Variants in MGAT4C observed in about 807,000 individuals in gnomAD.
MGAT4C encodes MGAT4 family member C, also known as alpha-1,3-mannosyl-glycoprotein 4-beta-N-acetylglucosaminyltransferase C.
Under a neutral mutation model 40.1 loss-of-function variants are expected in MGAT4C, and 19 were observed. The ratio of observed to expected loss-of-function variants is 0.47; its 90% CI spans 0.33 to 0.70. The LOEUF (loss-of-function observed/expected upper bound fraction) is 0.70. Ranked by LOEUF, MGAT4C falls within the 30% of genes least tolerant of loss-of-function variation. The probability of loss-of-function intolerance (pLI) is 0.02; values close to 1 mark genes in which losing one functional copy is unlikely to be tolerated. For synonymous variants in MGAT4C, 181 were observed against 187.1 expected, an observed-to-expected ratio of 0.97 and a Z score of 0.27; for missense variants, 491 against 563.2, an observed-to-expected ratio of 0.87 and a Z score of 1.30.
At chr12:86,086,037 T>G (rs2135555315) in intron 1 of MGAT4C, among the ~76,000 whole-genome samples, 1 of 152,276 alleles carries the variant, frequency 6.6e-6, no homozygotes, top group South Asian at 2.1e-4. Flanking sequence ...ATTCCATTAC[T>G]GGGTATATAC....
Position 86,500,552 on chromosome 12 carries a change from C to T in MGAT4C, c.-228-65287G>A, listed in dbSNP as rs189828337. Among the ~76,000 whole-genome samples, 502 of 151,804 alleles carry T rather than the reference C, an allele frequency of 3.3e-3. 2 individuals carry two copies. The highest frequency in any genetic ancestry group is 0.012 in the African/African-American group (485 of 41,468). On this transcript the variant is annotated intron_variant, in intron 2 of 7. Transcript: ENST00000548651. ...GTAAAATAGAGAAGATAGAAATAAT[C>T]CTTTATTTATTAAATACATTAATAT...
At chr12:86,743,860 TACTC>T (rs1270723833) in intron 1 of MGAT4C, among the ~76,000 whole-genome samples, 1 of 151,652 alleles carries the variant, frequency 6.6e-6, no homozygotes, top group Non-Finnish European at 1.5e-5. Flanking sequence ...CTTTTTTTCT[TACTC>T]AATTAAATTG....
intron 3 of MGAT4C, 80 bp from the exon 4 acceptor site, chr12:85,983,750 T>G (rs1359484920): frequency 8.6e-7 from 1 of 1,164,186 alleles, no homozygotes; most frequent in Non-Finnish European, 1.2e-6. Context: ...TTTTACACAA[T>G]AAATGTACGA....
intron 2 of MGAT4C, among the ~76,000 whole-genome samples, chr12:86,638,961 G>A (rs542206575): frequency 1.3e-5 from 2 of 151,586 alleles, no homozygotes; most frequent in East Asian, 3.9e-4. Context: ...CCATTATAGT[G>A]CAATATGATG....
chr12:86,485,375 AT>A (rs2136317201), intron 2 of MGAT4C, among the ~76,000 whole-genome samples: 1 of 152,324 alleles, frequency 6.6e-6, no homozygotes, highest in African/African-American at 2.4e-5. Flanking sequence ...AAAAAGAGCC[AT>A]TCTAAGAAAG....
At chr12:86,215,966 G>A (rs1158882552) in intron 1 of MGAT4C, among the ~76,000 whole-genome samples, 1 of 152,092 alleles carries the variant, frequency 6.6e-6, no homozygotes, top group Non-Finnish European at 1.5e-5. Context: ...ACTGAACTGG[G>A]ATCTCGGATT....
At chr12:86,714,300 T>C (rs1285976737) in intron 2 of MGAT4C, among the ~76,000 whole-genome samples, 1 of 152,124 alleles carries the variant, frequency 6.6e-6, no homozygotes, top group Non-Finnish European at 1.5e-5. Flanking sequence ...TGTTCTTGTG[T>C]TATGTTCTCA....
chr12:86,628,544 T>C (rs917937663), intron 2 of MGAT4C, among the ~76,000 whole-genome samples: 1 of 152,156 alleles, frequency 6.6e-6, no homozygotes, highest in Non-Finnish European at 1.5e-5. Flanking sequence ...TAATAGCAGA[T>C]CTGTCGGCAG....
intron 1 of MGAT4C, among the ~76,000 whole-genome samples, chr12:86,113,196 T>G (rs1877762197): frequency 6.6e-6 from 1 of 151,820 alleles, no homozygotes; most frequent in African/African-American, 2.4e-5. Flanking sequence ...TATTTTATTT[T>G]TAAACTCTAA....
At chr12:86,120,072 T>C (rs1324092663) in intron 1 of MGAT4C, among the ~76,000 whole-genome samples, 1 of 151,790 alleles carries the variant, frequency 6.6e-6, no homozygotes, top group Non-Finnish European at 1.5e-5. Flanking sequence ...TTATACAAGC[T>C]CAACTTTCCT....
intron 3 of MGAT4C, among the ~76,000 whole-genome samples, chr12:86,362,609 A>G (rs1172249047): frequency 1.2e-4 from 18 of 152,182 alleles, no homozygotes; most frequent in Admixed American, 1.2e-3. Context: ...TGTACCAAGA[A>G]GTCAAACTGG....
At position 85,969,892 on chromosome 12, in the gene MGAT4C, A is replaced by G. The variant is rs1473591177; in HGVS notation, c.*9397T>C. ...CTTATATGGTTGTTTAATCTATTAA[A>G]TAGACAGTGAAATGCACATGAAATC... is the stretch of plus-strand genomic sequence containing the variant. On this transcript the variant is annotated 3_prime_UTR_variant, in exon 5 of 5. Coordinates refer to ENST00000611864, the MANE Select transcript of MGAT4C (RefSeq NM_001351288.2). The G allele has an allele frequency of 6.6e-6, 1 of 151,498 alleles. No individual in the cohort carries two copies. The highest frequency in any genetic ancestry group is 2.4e-5 in the African/African-American group (1 of 41,382). 9.4% of individuals were successfully genotyped at this position (151,498 alleles called of 1,614,324 possible). A position where few individuals can be genotyped will look rare whatever the true frequency, so the allele number is the denominator to read the frequency against.
chr12:86,385,176 C>A (rs1956027432), intron 3 of MGAT4C, among the ~76,000 whole-genome samples: 1 of 152,100 alleles, frequency 6.6e-6, no homozygotes, highest in Admixed American at 6.5e-5. Context: ...ATAAATCTGA[C>A]TGAGTTACAT....
intron 2 of MGAT4C, among the ~76,000 whole-genome samples, chr12:86,583,003 G>A (rs1960856587): frequency 6.6e-6 from 1 of 151,184 alleles, no homozygotes; most frequent in African/African-American, 2.4e-5. Flanking sequence ...CACAAACTGG[G>A]AAATAATATA....
intron 2 of MGAT4C, among the ~76,000 whole-genome samples, chr12:86,525,507 A>T (rs1020941831): frequency 5.9e-5 from 9 of 152,188 alleles, no homozygotes; most frequent in Admixed American, 6.5e-5. Flanking sequence ...GGAGGAAAAA[A>T]GATATTCTGA....
intron 2 of MGAT4C, among the ~76,000 whole-genome samples, chr12:86,489,631 A>C (rs1245050835): frequency 6.6e-6 from 1 of 152,216 alleles, no homozygotes; most frequent in Non-Finnish European, 1.5e-5. Context: ...CATGAAGTTT[A>C]ACTCCTGCTG....
At chr12:86,803,431 A>G (rs1335615703) in intron 1 of MGAT4C, among the ~76,000 whole-genome samples, 1 of 152,006 alleles carries the variant, frequency 6.6e-6, no homozygotes, top group East Asian at 1.9e-4. Flanking sequence ...TAATTAAACT[A>G]AAGAGCTTCT....
intron 1 of MGAT4C, among the ~76,000 whole-genome samples, chr12:86,768,850 C>A (rs964475341): frequency 6.6e-6 from 1 of 151,896 alleles, no homozygotes. Flanking sequence ...TTCCTTACAC[C>A]TTATACAAAA....
chr12:86,407,554 A>G (rs1231159614), intron 3 of MGAT4C, among the ~76,000 whole-genome samples: 8 of 152,192 alleles, frequency 5.3e-5, no homozygotes, highest in African/African-American at 1.9e-4. Flanking sequence ...TGCATACTCT[A>G]TTGTGGTTCA....
Sources: allele counts gnomAD v4.1 joint callset (sites outside exome capture counted in the v4.1 genomes callset), GRCh38; gene constraint gnomAD v4.1.1; transcripts MANE v1.5; gene names NCBI Gene and HGNC (gene_info 2026-07-23, HGNC 2026-07-21).